Variants in TAF8 observed in about 807,000 individuals in gnomAD.
TAF8 encodes the protein transcription initiation factor TFIID subunit 8.
Under a neutral mutation model 36.5 loss-of-function variants are expected in TAF8, and 47 were observed. That is an observed-to-expected ratio of 1.29 (90% CI 1.02 to 1.64). TAF8 has a LOEUF of 1.64. Ranked by LOEUF, TAF8 falls within the 40% of genes most tolerant of loss-of-function variation. The pLI is 0.00. For missense variants in TAF8, 420 were observed against 407.6 expected, an observed-to-expected ratio of 1.03 and a Z score of -0.26; for synonymous variants, 175 against 159.5, an observed-to-expected ratio of 1.10 and a Z score of -0.73.
In TAF8 at chr6:42,050,915, T is replaced by G. The variant is rs7765890; in HGVS notation, c.45+329T>G. On this transcript the variant is annotated intron_variant, in intron 1 of 8. Coordinates refer to ENST00000372977, the MANE Select transcript of TAF8 (RefSeq NM_138572.3). The stretch of plus-strand genomic sequence containing the variant: ...TTTCAAAATATTTAGCTTTCTTACT[T>G]TTTTGTGCTTTTATCTTTTGCCCTC... 176 of 1,164,538 alleles carry G rather than the reference T, an allele frequency of 1.5e-4. No individual in the cohort carries two copies. The African/African-American group carries it at 2.7e-3, about 18-fold the overall frequency. The allele number at this position is 1,164,538 out of a possible 1,614,324, so 72.1% of individuals were successfully genotyped here.
Position 42,055,521 on chromosome 6 carries a change from C to A in TAF8, c.203-10C>A, listed in dbSNP as rs201129664. ...TGAGAATAAGTTTTATGCCTTTAAT[C>A]CCCTCTTAGACATTTCAGAAATTGG... is the stretch of plus-strand genomic sequence containing the variant. On this transcript the variant is annotated splice_polypyrimidine_tract_variant and intron_variant, in intron 2 of 8. Transcript: ENST00000372977. 10 of 1,597,020 alleles carry A rather than the reference C, an allele frequency of 6.3e-6. No individual in the cohort carries two copies. Among genetic ancestry groups the A allele is most frequent in the Non-Finnish European group, 7.7e-6 (9 of 1,164,566 alleles).
chr6:42,070,387 G>A (rs1320123036), intron 7 of TAF8, among the ~76,000 whole-genome samples: 1 of 152,136 alleles, frequency 6.6e-6, no homozygotes, highest in Non-Finnish European at 1.5e-5. Flanking sequence ...AGCTATTTGG[G>A]AGCCCGGGGC....
chr6:42,078,304 G>A lies in TAF8; in HGVS notation c.*759G>A, dbSNP rs80135275. 927 of 985,470 alleles carry A rather than the reference G, an allele frequency of 9.4e-4. 16 individuals carry two copies. In the East Asian group the frequency reaches 0.038, roughly 40 times the overall value. 61.0% of individuals were successfully genotyped at this position (985,470 alleles called of 1,614,324 possible). On this transcript the variant is annotated 3_prime_UTR_variant, in exon 9 of 9. Transcript: ENST00000372977. Reference sequence around the variant, plus strand: ...ACTCAAGAGACCAGGGAAAGTGACAGGAAGGAAAGGGCTCTTTGCTGCTGT... The same window carrying A: ...ACTCAAGAGACCAGGGAAAGTGACAAGAAGGAAAGGGCTCTTTGCTGCTGT...
At chr6:42,086,963 C>G (rs1333801246), downstream of TAF8, 2 of 609,894 alleles carry the variant, frequency 3.3e-6, no homozygotes, top group African/African-American at 3.7e-5. Context: ...AGGATGTAGA[C>G]CCTGTCCTCA....
At chr6:42,056,443 G>A in intron 4 of TAF8, 1 of 205,270 alleles carries the variant, frequency 4.9e-6, no homozygotes, top group Non-Finnish European at 9.9e-6. Context: ...GTTTAGTTGT[G>A]GTAGAGACTG....
intron 6 of TAF8, among the ~76,000 whole-genome samples, chr6:42,067,800 A>G (rs1444941627): frequency 6.6e-6 from 1 of 151,382 alleles, no homozygotes; most frequent in Non-Finnish European, 1.5e-5. Flanking sequence ...CCTGGGCTCA[A>G]CCAGTCCTCC....
Position 42,051,339 on chromosome 6 carries a change from C to T in TAF8, c.46-18C>T, listed in dbSNP as rs1764774363. Reference sequence around the variant, plus strand: ...GCATCCTTCTCCTGTGGATGAAAATCTCTCTGCTGATTCACAGAGATCGGG... The same window carrying T: ...GCATCCTTCTCCTGTGGATGAAAATTTCTCTGCTGATTCACAGAGATCGGG... On this transcript the variant is annotated intron_variant, in intron 1 of 8. Transcript: ENST00000372977. 6.2e-7 allele frequency: 1 copy of T among 1,603,702 alleles called. No homozygotes were observed. Among genetic ancestry groups the T allele is most frequent in the African/African-American group, 1.3e-5 (1 of 74,794 alleles).
intron 5 of TAF8, among the ~76,000 whole-genome samples, chr6:42,062,730 T>C (rs2492940): frequency 0.76 from 115,015 of 150,580 alleles, 44,024 homozygotes; most frequent in East Asian, 0.83. Context: ...TAAGTAGAGA[T>C]GGGGTTTCAC....
In TAF8 at chr6:42,078,180, G is replaced by A. The variant is rs1415385333; in HGVS notation, c.*635G>A. Reference sequence around the variant, plus strand: ...GCTGAGATTACAGGCGTGAGCCACCGCACCCCACCAGAGACTTTCTTAATC... The same window carrying A: ...GCTGAGATTACAGGCGTGAGCCACCACACCCCACCAGAGACTTTCTTAATC... On this transcript the variant is annotated 3_prime_UTR_variant, in exon 9 of 9. Coordinates refer to ENST00000372977, the MANE Select transcript of TAF8 (RefSeq NM_138572.3). 3 of 985,286 alleles carry A rather than the reference G, an allele frequency of 3.0e-6. No homozygotes were observed. Among genetic ancestry groups the A allele is most frequent in the East Asian group, 1.1e-4 (1 of 8,822 alleles). 61.0% of individuals were successfully genotyped at this position (985,286 alleles called of 1,614,324 possible). A position where few individuals can be genotyped will look rare whatever the true frequency, so the allele number is the denominator to read the frequency against.
At chr6:42,062,631 G>A (rs932353683) in intron 5 of TAF8, among the ~76,000 whole-genome samples, 2 of 135,358 alleles carry the variant, frequency 1.5e-5, no homozygotes, top group East Asian at 2.3e-4. Context: ...ACCACCTCCC[G>A]GGTTCAAGTG....
Position 42,068,618 on chromosome 6 carries a change from C to T in TAF8, c.780+11C>T. 1.2e-6 allele frequency: 2 copies of T among 1,611,386 alleles called. No individual in the cohort carries two copies. The highest frequency in any genetic ancestry group is 2.2e-5 in the South Asian group (2 of 91,068). On this transcript the variant is annotated intron_variant, in intron 7 of 8. Transcript: ENST00000372977. ...CTTCATATCAGCATGGTGGGTTCCA[C>T]CTTCTGCCTACCTCAGAGTATCCCC...
At chr6:42,057,688 G>C in intron 5 of TAF8, 175 bp downstream of exon 5, 1 of 793,292 alleles carries the variant, frequency 1.3e-6, no homozygotes, top group Admixed American at 3.2e-5. Flanking sequence ...AGGAGGCCGA[G>C]GCAGGAGGAT....
At chr6:42,066,114 T>A (rs995303068) in intron 5 of TAF8, among the ~76,000 whole-genome samples, 198 bp from the exon 6 acceptor site, 4 of 152,208 alleles carry the variant, frequency 2.6e-5, no homozygotes, top group African/African-American at 9.6e-5. Context: ...TTGGCCAGGC[T>A]GGTCTCAAAC....
chr6:42,077,696 T>G lies in TAF8; in HGVS notation c.*151T>G. Reference sequence around the variant, plus strand: ...ATGATTTTCATGGCAAACCGTCTTATTAAGATGACCTATTTTCACTGGATG... The same window carrying G: ...ATGATTTTCATGGCAAACCGTCTTAGTAAGATGACCTATTTTCACTGGATG... On this transcript the variant is annotated 3_prime_UTR_variant, in exon 9 of 9. Transcript: ENST00000372977. 6.7e-7 allele frequency: 1 copy of G among 1,490,694 alleles called. No homozygotes were observed. Among genetic ancestry groups the G allele is most frequent in the Non-Finnish European group, 8.9e-7 (1 of 1,123,560 alleles). 92.3% of individuals were successfully genotyped at this position (1,490,694 alleles called of 1,614,324 possible). A position where few individuals can be genotyped will look rare whatever the true frequency, so the allele number is the denominator to read the frequency against.
intron 4 of TAF8, among the ~76,000 whole-genome samples, chr6:42,056,516 A>G: frequency 6.6e-6 from 1 of 152,134 alleles, no homozygotes; most frequent in East Asian, 1.9e-4. Context: ...GATGACCTCT[A>G]CTTTAAGTAA....
At chr6:42,072,302 G>T (rs1257433858) in intron 7 of TAF8, among the ~76,000 whole-genome samples, 1 of 152,198 alleles carries the variant, frequency 6.6e-6, no homozygotes, top group African/African-American at 2.4e-5. Flanking sequence ...ACTACAGTCA[G>T]TTGGACCTAA....
In TAF8 at chr6:42,080,347, G is replaced by C. The variant is rs1334351686; in HGVS notation, c.*2802G>C. ...TGCTATTTCTGCTGTTGAGATTTCA[G>C]AGGCTATACTCTTTTTTTTTCTTTT... On this transcript the variant is annotated 3_prime_UTR_variant, in exon 9 of 9. Coordinates refer to ENST00000372977, the MANE Select transcript of TAF8 (RefSeq NM_138572.3). 7.1e-6 allele frequency: 7 copies of C among 990,132 alleles called. No homozygotes were observed. Among genetic ancestry groups the C allele is most frequent in the Non-Finnish European group, 8.4e-6 (7 of 833,774 alleles). 61.3% of individuals were successfully genotyped at this position (990,132 alleles called of 1,614,324 possible).
chr6:42,054,091 C>T (rs1268916947), intron 2 of TAF8, among the ~76,000 whole-genome samples: 1 of 152,048 alleles, frequency 6.6e-6, no homozygotes, highest in Non-Finnish European at 1.5e-5. Flanking sequence ...GGACCCATTC[C>T]CCAAAAAATG....
At chr6:42,063,925 A>G (rs1260394422) in intron 5 of TAF8, among the ~76,000 whole-genome samples, 2 of 152,150 alleles carry the variant, frequency 1.3e-5, no homozygotes, top group East Asian at 3.8e-4. Context: ...CAGCCTAGAA[A>G]TCTTGGTTTA....
Sources: allele counts gnomAD v4.1 joint callset (sites outside exome capture counted in the v4.1 genomes callset), GRCh38; gene constraint gnomAD v4.1.1; transcripts MANE v1.5; gene names NCBI Gene and HGNC (gene_info 2026-07-23, HGNC 2026-07-21).